Variants in PACRG observed in about 807,000 individuals in gnomAD.
The protein encoded by PACRG is parkin coregulated.
A neutral mutation model predicts 29.7 loss-of-function variants in PACRG; 29 were observed. The ratio of observed to expected loss-of-function variants is 0.98; its 90% CI spans 0.73 to 1.33. The LOEUF (loss-of-function observed/expected upper bound fraction) is 1.33. PACRG is among the 40% of genes most tolerant of loss of function. The pLI, the probability that PACRG is intolerant of heterozygous loss-of-function variation, is 0.00. For synonymous variants in PACRG, 116 were observed against 118.7 expected, an observed-to-expected ratio of 0.98 and a Z score of 0.15; for missense variants, 279 against 316.2, an observed-to-expected ratio of 0.88 and a Z score of 0.89.
intron 2 of PACRG, among the ~76,000 whole-genome samples, chr6:162,940,807 T>C (rs1798565975): frequency 6.6e-6 from 1 of 152,176 alleles, no homozygotes; most frequent in Admixed American, 6.5e-5. Context: ...CAGTTTTTTG[T>C]CATATTGGCA....
At chr6:163,278,893 G>A (rs971961511) in intron 4 of PACRG, among the ~76,000 whole-genome samples, 2 of 152,062 alleles carry the variant, frequency 1.3e-5, no homozygotes, top group East Asian at 3.9e-4. Context: ...ATTTTGATTG[G>A]AATTTCTTTG....
chr6:162,948,235 A>G (rs945774478), intron 2 of PACRG, among the ~76,000 whole-genome samples: 1 of 152,150 alleles, frequency 6.6e-6, no homozygotes, highest in African/African-American at 2.4e-5. Context: ...TGCAGAAATA[A>G]ATCTATGTGT....
At chr6:162,884,050 A>T (rs1181706168) in intron 2 of PACRG, among the ~76,000 whole-genome samples, 1 of 151,844 alleles carries the variant, frequency 6.6e-6, no homozygotes, top group Non-Finnish European at 1.5e-5. Flanking sequence ...CGATCCTCCC[A>T]CCTCAACCTC....
rs571562365 is a variant in PACRG, at chr6:163,009,232, A to G, written c.292-52918A>G. Among the ~76,000 whole-genome samples, 13 of 152,348 alleles carry G rather than the reference A, an allele frequency of 8.5e-5. No individual in the cohort carries two copies. In the South Asian group the frequency reaches 2.7e-3, roughly 32 times the overall value. On this transcript the variant is annotated intron_variant, in intron 2 of 4. Coordinates refer to ENST00000366888, the MANE Select transcript of PACRG (RefSeq NM_001080379.2). The stretch of plus-strand genomic sequence containing the variant: ...CCTTATTGAGGCTAATTCATTAATA[A>G]AACAGGTCATCCATTGAGATTTCAT...
At chr6:163,120,472 G>A (rs966516456) in intron 4 of PACRG, among the ~76,000 whole-genome samples, 2 of 152,138 alleles carry the variant, frequency 1.3e-5, no homozygotes, top group African/African-American at 4.8e-5. Flanking sequence ...AGAGTTTGAA[G>A]GCCCTGAGAC....
intron 4 of PACRG, among the ~76,000 whole-genome samples, chr6:163,145,959 C>T (rs1354341020): frequency 1.3e-5 from 2 of 152,142 alleles, no homozygotes; most frequent in African/African-American, 2.4e-5. Flanking sequence ...ACCTTTCTAA[C>T]ATGTATTAAG....
chr6:163,032,667 A>G (rs1807780772), intron 2 of PACRG, among the ~76,000 whole-genome samples: 1 of 152,238 alleles, frequency 6.6e-6, no homozygotes, highest in Non-Finnish European at 1.5e-5. Flanking sequence ...CAGCCCAAAG[A>G]AAACCAATCA....
At chr6:163,042,532 T>C (rs181597166) in intron 2 of PACRG, 4 of 152,340 alleles carry the variant, frequency 2.6e-5, no homozygotes, top group East Asian at 1.9e-4. Flanking sequence ...GTCTTTCTTA[T>C]GGCAAATAAA....
At chr6:162,782,893 C>A (rs1474965088) in intron 1 of PACRG, among the ~76,000 whole-genome samples, 1 of 151,858 alleles carries the variant, frequency 6.6e-6, no homozygotes, top group Middle Eastern at 3.2e-3. Context: ...ATAATTCTTA[C>A]AACTTGGTGA....
At chr6:163,148,414 T>A (rs573197579) in intron 4 of PACRG, among the ~76,000 whole-genome samples, 1 of 152,238 alleles carries the variant, frequency 6.6e-6, no homozygotes, top group African/African-American at 2.4e-5. Flanking sequence ...GAGCCTGTTA[T>A]AATGTGTGCA....
intron 4 of PACRG, chr6:163,312,728 C>A: frequency 2.5e-6 from 1 of 406,158 alleles, no homozygotes. Context: ...AATCTTATCT[C>A]TTGTTTATCT....
intron 2 of PACRG, among the ~76,000 whole-genome samples, chr6:162,926,087 C>T (rs546820287): frequency 6.6e-6 from 1 of 152,062 alleles, no homozygotes; most frequent in Non-Finnish European, 1.5e-5. Context: ...CCTAGGAATA[C>T]AGCTAGCAAG....
intron 2 of PACRG, among the ~76,000 whole-genome samples, chr6:163,014,597 C>G (rs1805916150): frequency 6.6e-6 from 1 of 151,824 alleles, no homozygotes; most frequent in South Asian, 2.1e-4. Flanking sequence ...TTGCATTTCT[C>G]TAATAATTAC....
intron 2 of PACRG, among the ~76,000 whole-genome samples, chr6:162,898,197 T>C (rs1187241155): frequency 6.6e-6 from 1 of 152,152 alleles, no homozygotes; most frequent in African/African-American, 2.4e-5. Context: ...GCGAGCACAG[T>C]GTGGAGCTGC....
At chr6:162,801,748 A>G (rs1331369147) in intron 1 of PACRG, among the ~76,000 whole-genome samples, 1 of 152,148 alleles carries the variant, frequency 6.6e-6, no homozygotes, top group East Asian at 1.9e-4. Context: ...TAGAAAGTGT[A>G]TTGATCTCAT....
At chr6:162,807,221 G>A (rs776815568) in intron 1 of PACRG, among the ~76,000 whole-genome samples, 10 of 152,266 alleles carry the variant, frequency 6.6e-5, no homozygotes, top group East Asian at 1.9e-4. Flanking sequence ...AACTTTTTCC[G>A]TATCAGCAAT....
intron 4 of PACRG, among the ~76,000 whole-genome samples, chr6:163,252,219 A>G (rs1291919932): frequency 6.6e-6 from 1 of 152,234 alleles, no homozygotes. Context: ...TGAGGGCCGC[A>G]GCCCCTGCTG....
At chr6:163,140,562 A>G (rs939380219) in intron 4 of PACRG, among the ~76,000 whole-genome samples, 2 of 152,256 alleles carry the variant, frequency 1.3e-5, no homozygotes, top group African/African-American at 4.8e-5. Flanking sequence ...AAGAGAGAGC[A>G]ACAATTGAGA....
chr6:163,073,369 G>T (rs1179754863), intron 3 of PACRG, among the ~76,000 whole-genome samples: 3 of 152,124 alleles, frequency 2.0e-5, no homozygotes, highest in South Asian at 4.1e-4. Flanking sequence ...TGGGAAACCT[G>T]AATATCCATA....
Sources: allele counts gnomAD v4.1 joint callset (sites outside exome capture counted in the v4.1 genomes callset), GRCh38; gene constraint gnomAD v4.1.1; transcripts MANE v1.5; gene names NCBI Gene and HGNC (gene_info 2026-07-23, HGNC 2026-07-21).